The following PRMT3 variants were observed in gnomAD, a reference collection of about 807,000 sequenced individuals.
PRMT3 encodes the protein protein arginine methyltransferase 3.
Under a neutral mutation model 71.9 loss-of-function variants are expected in PRMT3, and 62 were observed. The ratio of observed to expected loss-of-function variants is 0.86; its 90% CI spans 0.70 to 1.07. The LOEUF (loss-of-function observed/expected upper bound fraction) is 1.07. Among genes scored for constraint, PRMT3 ranks in the 50% least tolerant of loss-of-function variants. The pLI is 0.00. For missense variants in PRMT3, 663 were observed against 643.0 expected (o/e 1.03, Z -0.34); for synonymous variants, 213 against 220.4 (o/e 0.97, Z 0.30).
chr11:20,395,673 A>C, intron 5 of PRMT3, 130 bp from the exon 6 acceptor site: 2 of 885,766 alleles, frequency 2.3e-6, no homozygotes, highest in Non-Finnish European at 3.3e-6. Flanking sequence ...ATATTCAATT[A>C]AAAGTACTTT....
At chr11:20,464,620 C>G in intron 13 of PRMT3, 74 bp downstream of exon 13, 1 of 1,575,980 alleles carries the variant, frequency 6.3e-7, no homozygotes, top group Non-Finnish European at 8.6e-7. Flanking sequence ...AGTTTAATTA[C>G]CAGGCTTGTG....
chr11:20,434,441 A>G (rs1849720681), intron 10 of PRMT3, among the ~76,000 whole-genome samples: 1 of 152,078 alleles, frequency 6.6e-6, no homozygotes, highest in East Asian at 1.9e-4. Flanking sequence ...TTGTCATGAA[A>G]TCTTTGCCTG....
intron 14 of PRMT3, 67 bp from the exon 15 acceptor site, chr11:20,494,097 CGTA>C: frequency 4.0e-6 from 6 of 1,483,782 alleles, no homozygotes; most frequent in Non-Finnish European, 5.6e-6. Context: ...TGTTTGATGT[CGTA>C]GATTAATGTA....
Position 20,452,119 on chromosome 11 carries a change from T to G in PRMT3, c.994-11T>G, listed in dbSNP as rs1402568217. 2 of 1,586,578 alleles carry G rather than the reference T, an allele frequency of 1.3e-6. No individual in the cohort carries two copies. The highest frequency in any genetic ancestry group is 1.7e-6 in the Non-Finnish European group (2 of 1,156,734). On this transcript the variant is annotated splice_polypyrimidine_tract_variant and intron_variant, in intron 10 of 15. Coordinates refer to ENST00000331079, the MANE Select transcript of PRMT3 (RefSeq NM_005788.4). ...ATTTCTAAACTCTTTTTTTCCCCTT[T>G]TTTTATGCAGGGCTATTTTCTTCTG... is the stretch of plus-strand genomic sequence containing the variant.
At chr11:20,505,998 G>A (rs929313687) in intron 15 of PRMT3, among the ~76,000 whole-genome samples, 6 of 152,076 alleles carry the variant, frequency 3.9e-5, no homozygotes, top group Non-Finnish European at 8.8e-5. Context: ...TGAGGAACTT[G>A]GGTTCTGGAA....
intron 7 of PRMT3, among the ~76,000 whole-genome samples, chr11:20,401,944 C>CT (rs1848957339): frequency 6.6e-6 from 1 of 152,064 alleles, no homozygotes; most frequent in Admixed American, 6.5e-5. Flanking sequence ...TTTTTACAGA[C>CT]AAAACAGGAA....
chr11:20,407,948 C>G lies in PRMT3; in HGVS notation c.809C>G (p.Ser270Cys). Residue 270 changes from serine (S) to cysteine (C), a missense_variant, in exon 9 of 16, where the codon TCT becomes TGT. Physicochemically the swap from Ser to Cys is moderately radical, Grantham distance 112. Transcript: ENST00000331079. ...GTTGGGTGTGGAACTGGAATTCTCT[C>G]TATGTTTGCTGCTAAAGCTGGGGCG... is the stretch of plus-strand genomic sequence containing the variant. ...LDVGCGTGIL[S>C]MFAAKAGAKK... is the part of the protein sequence containing the mutation. 1 of 1,611,122 alleles carries G rather than the reference C, an allele frequency of 6.2e-7. No individual in the cohort carries two copies. Among genetic ancestry groups the G allele is most frequent in the South Asian group, 1.1e-5 (1 of 90,966 alleles).
At chr11:20,442,253 A>T (rs888148792) in intron 10 of PRMT3, among the ~76,000 whole-genome samples, 1 of 151,838 alleles carries the variant, frequency 6.6e-6, no homozygotes, top group Non-Finnish European at 1.5e-5. Context: ...ATTTTCACCT[A>T]TTCTGTTACC....
intron 13 of PRMT3, among the ~76,000 whole-genome samples, chr11:20,493,564 G>A (rs754956487): frequency 1.3e-5 from 2 of 152,192 alleles, no homozygotes; most frequent in Non-Finnish European, 1.5e-5. Context: ...AGTCAAGATA[G>A]CCTAATGCGT....
chr11:20,412,364 T>C (rs1590044668), intron 9 of PRMT3, among the ~76,000 whole-genome samples: 1 of 150,504 alleles, frequency 6.6e-6, no homozygotes, highest in East Asian at 2.0e-4. Context: ...TAAAAATCTG[T>C]TCACAAAACT....
rs1332372470 is a variant in PRMT3, at chr11:20,504,707, T to TGTGAGA, written c.1487-3596_1487-3595insTGAGAG. 3.4e-3 allele frequency among the ~76,000 whole-genome samples: 449 copies of TGTGAGA among 133,616 alleles called. 6 individuals carry two copies. The highest frequency in any genetic ancestry group is 0.03 in the East Asian group (133 of 4,496). The allele number at this position is 133,616 out of a possible 152,430, so 87.7% of individuals were successfully genotyped here. On this transcript the variant is annotated intron_variant, in intron 15 of 15. Transcript: ENST00000331079. ...TATTGTATGTGTGTGTGTGTGTGTG[T>TGTGAGA]GAGAGAGAGAGAGAGAGAGAGAGAG... is the stretch of plus-strand genomic sequence containing the variant.
chr11:20,433,503 G>A (rs1295507539), intron 10 of PRMT3, among the ~76,000 whole-genome samples: 1 of 152,124 alleles, frequency 6.6e-6, no homozygotes, highest in East Asian at 1.9e-4. Context: ...TTGTTATTGT[G>A]AATAATGCTG....
chr11:20,470,345 C>G (rs191314619), intron 13 of PRMT3, among the ~76,000 whole-genome samples: 5 of 152,224 alleles, frequency 3.3e-5, no homozygotes, highest in Non-Finnish European at 7.4e-5. Flanking sequence ...ATCCCCTCAC[C>G]CAGGTATTAT....
chr11:20,393,898 A>T (rs1209635771), intron 5 of PRMT3: 1 of 152,204 alleles, frequency 6.6e-6, no homozygotes, highest in Non-Finnish European at 1.5e-5. Flanking sequence ...AGCCTTATAT[A>T]GTTTGGAAAT....
chr11:20,388,018 G>T lies in PRMT3; in HGVS notation c.29-1G>T, dbSNP rs754872503. On this transcript the variant is annotated splice_acceptor_variant, in intron 1 of 15. Coordinates refer to ENST00000331079, the MANE Select transcript of PRMT3 (RefSeq NM_005788.4). LOFTEE classifies it high-confidence loss of function. The stretch of plus-strand genomic sequence containing the variant: ...ATCTGATTGTTGTGTGTGTGTGTTA[G>T]GCGGCCGGGGCGCTGTGGAGAATGA... The T allele has an allele frequency of 3.1e-6, 5 of 1,613,900 alleles. No individual in the cohort carries two copies. The African/African-American group carries it at 6.7e-5, about 22-fold the overall frequency.
rs183351841 is a variant in PRMT3 at position 20,448,310 on chromosome 11, A to G, written c.994-3820A>G. On this transcript the variant is annotated intron_variant, in intron 10 of 15. Transcript: ENST00000331079. ...TTTTACTTGAAATGTCTTGTTTCCA[A>G]TTAACAACTGACTGCCAGCTCCAAT... Among the ~76,000 whole-genome samples, 16 of 152,280 alleles carry G rather than the reference A, an allele frequency of 1.1e-4. No homozygotes were observed. The East Asian group carries it at 2.7e-3, about 26-fold the overall frequency.
At chr11:20,433,052 CT>C (rs940066136) in intron 10 of PRMT3, among the ~76,000 whole-genome samples, 15 of 150,704 alleles carry the variant, frequency 1.0e-4, no homozygotes, top group Non-Finnish European at 1.9e-4. Context: ...TTTTTAGTGG[CT>C]TTTTTTTTCT....
chr11:20,427,629 G>A (rs1849575208), intron 10 of PRMT3, among the ~76,000 whole-genome samples: 1 of 152,092 alleles, frequency 6.6e-6, no homozygotes, highest in Non-Finnish European at 1.5e-5. Flanking sequence ...GGAGGCTGAG[G>A]CAGGAGAGTG....
chr11:20,454,435 A>T (rs915473545), intron 11 of PRMT3, among the ~76,000 whole-genome samples: 1 of 152,184 alleles, frequency 6.6e-6, no homozygotes, highest in Non-Finnish European at 1.5e-5. Flanking sequence ...GATAAAGTGG[A>T]GGTTCATATA....
Sources: allele counts gnomAD v4.1 joint callset (sites outside exome capture counted in the v4.1 genomes callset), GRCh38; gene constraint gnomAD v4.1.1; transcripts MANE v1.5; gene names NCBI Gene and HGNC (gene_info 2026-07-23, HGNC 2026-07-21).